The following POLB variants were observed in gnomAD, a reference collection of about 807,000 sequenced individuals.
POLB encodes 5'-dRP lyase.
Under a neutral mutation model 52.7 loss-of-function variants are expected in POLB, and 37 were observed. The observed-to-expected ratio is 0.70, with a 90% CI of 0.54 to 0.92. The LOEUF (loss-of-function observed/expected upper bound fraction) is 0.92, where lower values mean the gene tolerates loss of function less well. Among genes scored for constraint, POLB ranks in the 40% least tolerant of loss-of-function variants. The pLI, the probability that POLB is intolerant of heterozygous loss-of-function variation, is 0.00. For missense variants in POLB, 313 were observed against 400.8 expected, an observed-to-expected ratio of 0.78 and a Z score of 1.87; for synonymous variants, 138 against 131.3, an observed-to-expected ratio of 1.05 and a Z score of -0.35.
chr8:42,350,764 A>C (rs1229039378), intron 5 of POLB, among the ~76,000 whole-genome samples: 1 of 152,206 alleles, frequency 6.6e-6, no homozygotes, highest in East Asian at 1.9e-4. Context: ...TTTTCGGTGA[A>C]AGTTATTCTA....
intron 4 of POLB, 114 bp downstream of exon 4, chr8:42,349,204 G>T (rs1191715997): frequency 1.6e-6 from 1 of 607,648 alleles, no homozygotes; most frequent in Admixed American, 3.1e-5. Context: ...CACAGGAAAT[G>T]AGGTGAGTGA....
chr8:42,360,956 G>A (rs749177020), intron 9 of POLB: 1 of 388,780 alleles, frequency 2.6e-6, no homozygotes, highest in East Asian at 6.7e-5. Flanking sequence ...ATATAGAGTT[G>A]TTCATAGGTG....
At chr8:42,365,153 C>CA (rs1022125442) in intron 11 of POLB, among the ~76,000 whole-genome samples, 13 of 152,176 alleles carry the variant, frequency 8.5e-5, no homozygotes, top group Middle Eastern at 6.8e-3. Context: ...TTAACCCACA[C>CA]ACATACAAAA....
At chr8:42,362,355 C>T (rs1289614816) in intron 10 of POLB, among the ~76,000 whole-genome samples, 1 of 151,180 alleles carries the variant, frequency 6.6e-6, no homozygotes, top group Non-Finnish European at 1.5e-5. Context: ...TCTTCCCGGG[C>T]TCGATTCCCT....
intron 6 of POLB, among the ~76,000 whole-genome samples, chr8:42,353,400 G>A (rs1452262167): frequency 1.3e-5 from 2 of 151,660 alleles, no homozygotes; most frequent in Non-Finnish European, 2.9e-5. Flanking sequence ...GAGCCACCGC[G>A]CCTGGCCCCC....
chr8:42,368,064 A>G (rs570116963), intron 11 of POLB, among the ~76,000 whole-genome samples: 4 of 152,262 alleles, frequency 2.6e-5, no homozygotes, highest in Non-Finnish European at 5.9e-5. Context: ...AGTAAAACAG[A>G]GAAATTCTTT....
chr8:42,345,235 A>G (rs141971948), intron 3 of POLB, among the ~76,000 whole-genome samples: 93 of 152,354 alleles, frequency 6.1e-4, no homozygotes, highest in African/African-American at 2.1e-3. Context: ...ATTTTTAAAA[A>G]TATATGTAAT....
At chr8:42,356,698 C>A (rs1299850583) in intron 7 of POLB, among the ~76,000 whole-genome samples, 2 of 151,906 alleles carry the variant, frequency 1.3e-5, no homozygotes, top group Non-Finnish European at 2.9e-5. Context: ...TGAAGTCATA[C>A]AGTATGTGGT....
chr8:42,343,429 A>G (rs576796180), intron 2 of POLB, among the ~76,000 whole-genome samples: 10 of 144,086 alleles, frequency 6.9e-5, no homozygotes, highest in East Asian at 4.1e-4. Flanking sequence ...CAGGAGGCTA[A>G]GGCAGGATAA....
intron 9 of POLB, among the ~76,000 whole-genome samples, chr8:42,358,107 C>T (rs1198965771): frequency 6.6e-6 from 1 of 152,174 alleles, no homozygotes; most frequent in African/African-American, 2.4e-5. Context: ...CCGGGTTCAT[C>T]AGAAGAGTTC....
intron 2 of POLB, among the ~76,000 whole-genome samples, chr8:42,343,629 AAGG>A (rs35172933): frequency 0.71 from 107,003 of 151,490 alleles, 43,091 homozygotes; most frequent in Non-Finnish European, 0.89. Flanking sequence ...TATTTTAAAA[AAGG>A]GGGCCCAATG....
At chr8:42,349,967 G>A (rs747318428) in intron 4 of POLB, 40 bp from the exon 5 acceptor site, 7 of 1,334,446 alleles carry the variant, frequency 5.2e-6, no homozygotes, top group Non-Finnish European at 7.5e-6. Context: ...AGTCCTCAAA[G>A]CATTCCTAAA....
intron 2 of POLB, among the ~76,000 whole-genome samples, chr8:42,343,173 T>A (rs893095626): frequency 1.3e-5 from 2 of 151,032 alleles, no homozygotes; most frequent in Non-Finnish European, 3.0e-5. Flanking sequence ...ATGCAAAAAA[T>A]TAGCCAGGCG....
At chr8:42,362,195 G>T (rs1823739976) in intron 10 of POLB, among the ~76,000 whole-genome samples, 1 of 151,972 alleles carries the variant, frequency 6.6e-6, no homozygotes, top group Non-Finnish European at 1.5e-5. Context: ...AGGAGGCAAA[G>T]GTTGCAGTGA....
At chr8:42,369,766 T>C in intron 12 of POLB, 83 bp from the exon 13 acceptor site, 1 of 859,540 alleles carries the variant, frequency 1.2e-6, no homozygotes, top group East Asian at 2.4e-5. Context: ...TGGTATTTTG[T>C]TCCTTATTGA....
intron 10 of POLB, 45 bp downstream of exon 10, chr8:42,361,410 G>C: frequency 7.9e-7 from 1 of 1,268,534 alleles, no homozygotes; most frequent in Non-Finnish European, 1.2e-6. Flanking sequence ...TTACACAACA[G>C]TGAATTTCAC....
Position 42,339,063 on chromosome 8 carries a change from C to T in POLB, c.113C>T (p.Ala38Val), listed in dbSNP as rs1217812579. Residue 38 changes from alanine to valine, a missense_variant, in exon 2 of 14, where the codon GCT (alanine) becomes GTT (valine). This residue lies in a region of POLB where 54 missense variants were observed against 63.4 expected (regional missense o/e 0.85). Coordinates refer to ENST00000265421, the MANE Select transcript of POLB (RefSeq NM_002690.3). ...NVSQAIHKYN[A>V]YRKAASVIAK... is the part of the protein sequence containing the mutation. The stretch of plus-strand genomic sequence containing the variant: ...AGCCAAGCTATCCACAAGTACAATG[C>T]TTACAGGTGGGACAGTGCAGCATTC... The T allele has an allele frequency of 5.0e-6, 8 of 1,611,792 alleles. No homozygotes were observed. In the Admixed American group the frequency reaches 5.0e-5, roughly 10 times the overall value.
intron 11 of POLB, among the ~76,000 whole-genome samples, chr8:42,366,466 C>T (rs755667635): frequency 1.4e-4 from 22 of 151,980 alleles, no homozygotes; most frequent in Non-Finnish European, 2.8e-4. Context: ...CTTTATGTTG[C>T]GACATAGGAA....
In POLB at chr8:42,369,904, AT is replaced by A; in HGVS notation, c.833del (p.Phe278SerfsTer5). 1 of 1,605,044 alleles carries A rather than the reference AT, an allele frequency of 6.2e-7. No individual in the cohort carries two copies. Among genetic ancestry groups the A allele is most frequent in the Non-Finnish European group, 8.5e-7 (1 of 1,172,200 alleles). ...TGTTCTCTATTTCACTGGGAGTGAT[AT>A]TTTCAATAAGAATATGAGGGCTCAT... ...CGVLYFTGSD[I>X]FNKNMRAHAL... On this transcript the variant is annotated frameshift_variant, in exon 13 of 14. Transcript: ENST00000265421. LOFTEE classifies it high-confidence loss of function.
Sources: gnomAD v4.1 joint callset for allele counts (sites outside exome capture counted in the v4.1 genomes callset) on GRCh38, gnomAD v4.1.1 for gene constraint, gnomAD v4.1.1 regional missense constraint, MANE v1.5 for transcripts, NCBI Gene and HGNC (gene_info 2026-07-23, HGNC 2026-07-21) for gene names.